SLC24A3: variants seen among roughly 807,000 people sequenced by gnomAD.
SLC24A3 encodes sodium/potassium/calcium exchanger 3.
SLC24A3 carries 28 observed loss-of-function variants against 75.8 expected under a neutral mutation model. The observed-to-expected ratio is 0.37, with a 90% CI of 0.27 to 0.51. SLC24A3 has a LOEUF of 0.51. Ranked by LOEUF, SLC24A3 falls within the 20% of genes least tolerant of loss-of-function variation. The probability of loss-of-function intolerance (pLI) is 0.94; values close to 1 mark genes in which losing one functional copy is unlikely to be tolerated. For missense variants in SLC24A3, 663 were observed against 847.8 expected, an observed-to-expected ratio of 0.78 and a Z score of 2.71; for synonymous variants, 372 against 334.1, an observed-to-expected ratio of 1.11 and a Z score of -1.24.
At chr20:19,550,283 A>G (rs2122597835) in intron 3 of SLC24A3, among the ~76,000 whole-genome samples, 1 of 152,302 alleles carries the variant, frequency 6.6e-6, no homozygotes, top group African/African-American at 2.4e-5. Context: ...TTAAAAGGCA[A>G]CAGATTAAAA....
At chr20:19,633,565 C>T (rs1008293669) in intron 6 of SLC24A3, among the ~76,000 whole-genome samples, 4 of 143,412 alleles carry the variant, frequency 2.8e-5, no homozygotes, top group Non-Finnish European at 6.0e-5. Flanking sequence ...AGGAGAATGG[C>T]GTGAACCCGG....
At chr20:19,264,972 ACTTT>A (rs1274769711) in intron 1 of SLC24A3, among the ~76,000 whole-genome samples, 2 of 152,154 alleles carry the variant, frequency 1.3e-5, no homozygotes, top group East Asian at 3.9e-4. Flanking sequence ...CTTGCTTTCC[ACTTT>A]CTTTCACTGT....
At chr20:19,428,216 G>A (rs899870706) in intron 2 of SLC24A3, among the ~76,000 whole-genome samples, 3 of 152,176 alleles carry the variant, frequency 2.0e-5, no homozygotes, top group African/African-American at 7.2e-5. Context: ...TTCACGGGTG[G>A]CCGTCAGCTT....
At chr20:19,262,573 T>C (rs1180487778) in intron 1 of SLC24A3, among the ~76,000 whole-genome samples, 1 of 152,100 alleles carries the variant, frequency 6.6e-6, no homozygotes, top group Non-Finnish European at 1.5e-5. Context: ...GTCAAGGAGA[T>C]GCCATATGCT....
At chr20:19,365,062 T>C (rs1027389104) in intron 2 of SLC24A3, among the ~76,000 whole-genome samples, 2 of 152,108 alleles carry the variant, frequency 1.3e-5, no homozygotes, top group Non-Finnish European at 2.9e-5. Context: ...TCCCCATGGC[T>C]ACTCCATAGA....
intron 2 of SLC24A3, among the ~76,000 whole-genome samples, chr20:19,383,819 C>T (rs1046399187): frequency 3.3e-5 from 5 of 152,148 alleles, no homozygotes; most frequent in African/African-American, 1.2e-4. Flanking sequence ...GGGAGACTGT[C>T]TTCTGTCTCC....
At chr20:19,242,126 ACT>A (rs1438911214) in intron 1 of SLC24A3, among the ~76,000 whole-genome samples, 1 of 151,722 alleles carries the variant, frequency 6.6e-6, no homozygotes, top group East Asian at 1.9e-4. Context: ...GAGAATAATA[ACT>A]CAAAGAATTT....
rs1056396138 is a variant in SLC24A3 at position 19,609,839 on chromosome 20, A to G, written c.612+24295A>G. ...TCTGAAAAAGGACTTTGAGACCACA[A>G]AGAGTTTGGTTTGGAGCTGTGTGCC... On this transcript the variant is annotated intron_variant, in intron 6 of 16. Transcript: ENST00000328041. Among the ~76,000 whole-genome samples the G allele has an allele frequency of 2.0e-5, 3 of 152,348 alleles. No individual in the cohort carries two copies. The East Asian group carries it at 5.8e-4, about 29-fold the overall frequency.
chr20:19,352,754 A>G (rs1354134637), intron 2 of SLC24A3, among the ~76,000 whole-genome samples: 1 of 152,156 alleles, frequency 6.6e-6, no homozygotes, highest in Non-Finnish European at 1.5e-5. Context: ...GGGAAGAGAC[A>G]TTGTGTAGGA....
At chr20:19,262,249 A>AC (rs1983012860) in intron 1 of SLC24A3, among the ~76,000 whole-genome samples, 2 of 132,742 alleles carry the variant, frequency 1.5e-5, no homozygotes, top group Non-Finnish European at 3.6e-5. Flanking sequence ...TAAAAAACAC[A>AC]AAAAAATTAG....
chr20:19,497,795 A>G (rs1037420809), intron 2 of SLC24A3, among the ~76,000 whole-genome samples: 3 of 152,146 alleles, frequency 2.0e-5, no homozygotes, highest in Non-Finnish European at 2.9e-5. Flanking sequence ...CAATGATATT[A>G]ACATATTAAG....
At chr20:19,444,440 A>G (rs1987347624) in intron 2 of SLC24A3, among the ~76,000 whole-genome samples, 2 of 152,238 alleles carry the variant, frequency 1.3e-5, no homozygotes, top group Admixed American at 1.3e-4. Context: ...ATAATTTACT[A>G]GTGAACTCAT....
chr20:19,360,417 T>G (rs1985764635), intron 2 of SLC24A3, among the ~76,000 whole-genome samples: 1 of 152,222 alleles, frequency 6.6e-6, no homozygotes, highest in South Asian at 2.1e-4. Context: ...CATCTTAACA[T>G]GTGGATGTCA....
chr20:19,636,121 C>G (rs2031999870), intron 6 of SLC24A3, among the ~76,000 whole-genome samples: 1 of 150,148 alleles, frequency 6.7e-6, no homozygotes, highest in African/African-American at 2.5e-5. Context: ...GCCTGGGCGA[C>G]AGAGCGAGAC....
At chr20:19,315,720 C>T (rs183611377) in intron 2 of SLC24A3, among the ~76,000 whole-genome samples, 2 of 152,332 alleles carry the variant, frequency 1.3e-5, no homozygotes, top group Non-Finnish European at 2.9e-5. Context: ...GTAGGAGGGT[C>T]ATCACCCTGC....
At chr20:19,258,587 G>A (rs1171937362) in intron 1 of SLC24A3, among the ~76,000 whole-genome samples, 5 of 152,056 alleles carry the variant, frequency 3.3e-5, no homozygotes, top group Admixed American at 2.0e-4. Context: ...CCATAATCCC[G>A]GCTACTCGGG....
chr20:19,291,748 C>T lies in SLC24A3; in HGVS notation c.271+10661C>T, dbSNP rs184162399. On this transcript the variant is annotated intron_variant, in intron 2 of 16. Transcript: ENST00000328041. ...TTTGTGCCAGGAGCTCAGCCTGGCT[C>T]CCCAGCCCTGGGCCTGCAGGAGACC... Among the ~76,000 whole-genome samples, 16 of 152,284 alleles carry T rather than the reference C, an allele frequency of 1.1e-4. No homozygotes were observed. In the East Asian group the frequency reaches 3.1e-3, roughly 29 times the overall value.
At chr20:19,641,865 A>G (rs1386486547) in intron 6 of SLC24A3, among the ~76,000 whole-genome samples, 1 of 152,186 alleles carries the variant, frequency 6.6e-6, no homozygotes, top group African/African-American at 2.4e-5. Context: ...GGTCTGGGGT[A>G]GGTGGGCCCG....
At chr20:19,653,835 C>G (rs1255799309) in intron 6 of SLC24A3, among the ~76,000 whole-genome samples, 2 of 152,232 alleles carry the variant, frequency 1.3e-5, no homozygotes, top group Non-Finnish European at 2.9e-5. Context: ...TTTCTATCAC[C>G]AGTTGTTTCC....
Sources: gnomAD v4.1 joint callset for allele counts (sites outside exome capture counted in the v4.1 genomes callset) on GRCh38, gnomAD v4.1.1 for gene constraint, MANE v1.5 for transcripts, NCBI Gene and HGNC (gene_info 2026-07-23, HGNC 2026-07-21) for gene names.